Variants in POLQ observed in about 807,000 individuals in gnomAD.
POLQ encodes DNA polymerase theta.
A neutral mutation model predicts 259.2 loss-of-function variants in POLQ; 233 were observed. The ratio of observed to expected loss-of-function variants is 0.90; its 90% CI spans 0.81 to 1.00. The LOEUF is 1.00. Ranked by LOEUF, POLQ falls within the 50% of genes least tolerant of loss-of-function variation. The pLI, the probability that POLQ is intolerant of heterozygous loss-of-function variation, is 0.00. For synonymous variants in POLQ, 1,025 were observed against 1,048.8 expected, an observed-to-expected ratio of 0.98 and a Z score of 0.44; for missense variants, 2,871 against 3,051.6, an observed-to-expected ratio of 0.94 and a Z score of 1.39.
chr3:121,493,245 T>G (rs1185558536), intron 15 of POLQ, among the ~76,000 whole-genome samples: 2 of 151,276 alleles, frequency 1.3e-5, no homozygotes. Context: ...GAGGTCGCAG[T>G]GAGCCGAGAT....
At chr3:121,501,550 T>C (rs1364661823) in intron 12 of POLQ, among the ~76,000 whole-genome samples, 1 of 145,888 alleles carries the variant, frequency 6.9e-6, no homozygotes, top group Non-Finnish European at 1.5e-5. Context: ...TCCCAGCTAC[T>C]TGGGAGGCTG....
chr3:121,539,429 T>C lies in POLQ; in HGVS notation c.631+4A>G, dbSNP rs749292831. On this transcript the variant is annotated splice_donor_region_variant and intron_variant, in intron 4 of 29. Transcript: ENST00000264233. ...AGTATTTACTTATTTTCTAACTTTC[T>C]TACCTAACAGATCCATCTTATTTTC... 6.3e-7 allele frequency: 1 copy of C among 1,589,502 alleles called. No homozygotes were observed. The highest frequency in any genetic ancestry group is 1.9e-5 in the Admixed American group (1 of 53,004).
chr3:121,522,663 A>C (rs1377104164), intron 7 of POLQ, among the ~76,000 whole-genome samples: 1 of 152,146 alleles, frequency 6.6e-6, no homozygotes, highest in Non-Finnish European at 1.5e-5. Flanking sequence ...ACATTGTTAT[A>C]TAATTGGTGT....
intron 22 of POLQ, among the ~76,000 whole-genome samples, chr3:121,471,615 G>A (rs139152166): frequency 0.014 from 2,109 of 152,076 alleles, 48 homozygotes; most frequent in African/African-American, 0.048. Context: ...GGTGGTATGC[G>A]CCTGTAATCC....
In POLQ at chr3:121,509,707, G is replaced by A. The variant is rs779707548; in HGVS notation, c.1817-4C>T. On this transcript the variant is annotated splice_polypyrimidine_tract_variant and splice_region_variant and intron_variant, in intron 11 of 29. Coordinates refer to ENST00000264233, the MANE Select transcript of POLQ (RefSeq NM_199420.4). Reference sequence around the variant, plus strand: ...TGTGTTGGATGATACACCTTTCCTGGTTTAGGGTTAGGGTGAGGAAACAGA... The same window carrying A: ...TGTGTTGGATGATACACCTTTCCTGATTTAGGGTTAGGGTGAGGAAACAGA... 1.2e-6 allele frequency: 2 copies of A among 1,611,090 alleles called. No individual in the cohort carries two copies. The highest frequency in any genetic ancestry group is 2.2e-5 in the East Asian group (1 of 44,848).
chr3:121,489,781 T>C lies in POLQ; in HGVS notation c.3150A>G (p.Arg1050=), dbSNP rs34246901. The change falls in exon 16 of 30, where the codon CGA becomes CGG. Residue 1050 remains arginine, a synonymous_variant. Transcript: ENST00000264233. ...RSWKRRKHLK[R]SRDSSPLKDS... ...CTTTCAGGGGGCTGCTGTCCCTAGA[T>C]CGCTTTAGATGCTTTCTACGTTTCC... The C allele has an allele frequency of 5.8e-4, 934 of 1,612,876 alleles. 8 individuals are homozygous for C. The African/African-American group carries it at 0.011, about 19-fold the overall frequency.
intron 16 of POLQ, among the ~76,000 whole-genome samples, chr3:121,487,095 G>A: frequency 6.6e-6 from 1 of 151,662 alleles, no homozygotes. Flanking sequence ...TATATTACAT[G>A]CACCTCTTAT....
At chr3:121,439,096 T>C (rs933545123) in intron 27 of POLQ, among the ~76,000 whole-genome samples, 5 of 152,200 alleles carry the variant, frequency 3.3e-5, no homozygotes, top group African/African-American at 1.2e-4. Context: ...CAGAATACTT[T>C]CATGAATCCC....
chr3:121,449,631 C>A (rs918291436), intron 25 of POLQ, among the ~76,000 whole-genome samples: 1 of 152,064 alleles, frequency 6.6e-6, no homozygotes, highest in Non-Finnish European at 1.5e-5. Flanking sequence ...GAGAGAGAGA[C>A]AGAAGGGCAG....
At chr3:121,520,113 T>C in intron 8 of POLQ, 30 bp from the exon 9 acceptor site, 1 of 1,290,476 alleles carries the variant, frequency 7.7e-7, no homozygotes, top group Non-Finnish European at 1.1e-6. Flanking sequence ...ATATATTTAT[T>C]GATATATAAC....
At chr3:121,484,974 T>C in intron 17 of POLQ, 67 bp downstream of exon 17, 1 of 1,160,934 alleles carries the variant, frequency 8.6e-7, no homozygotes, top group Non-Finnish European at 1.2e-6. Flanking sequence ...TCTCAAAATA[T>C]AAGATCACTA....
At chr3:121,498,063 CA>C (rs796246577) in intron 13 of POLQ, among the ~76,000 whole-genome samples, 10 of 152,222 alleles carry the variant, frequency 6.6e-5, no homozygotes, top group African/African-American at 2.2e-4. Flanking sequence ...GTAATCCCAG[CA>C]CTTTGGGAGG....
rs927314417 is a variant in POLQ, at chr3:121,489,064, A to G, written c.3867T>C (p.Ser1289=). 1.2e-6 allele frequency: 2 copies of G among 1,613,404 alleles called. No homozygotes were observed. Among genetic ancestry groups the G allele is most frequent in the Non-Finnish European group, 1.7e-6 (2 of 1,179,422 alleles). ...AAGTACCTGTTTTTTCTTGTAGTCT[A>G]GAAATATTTAGAAAATTCTCATGCT... ...EGQHENFLNI[S]RLQEKTGTYT... is the part of the protein sequence containing the mutation. Residue 1289 remains serine (S), a synonymous_variant, in exon 16 of 30, where the codon TCT becomes TCC. Coordinates refer to ENST00000264233, the MANE Select transcript of POLQ (RefSeq NM_199420.4).
intron 12 of POLQ, among the ~76,000 whole-genome samples, chr3:121,504,506 A>G (rs1232063061): frequency 6.6e-6 from 1 of 152,238 alleles, no homozygotes; most frequent in Non-Finnish European, 1.5e-5. Flanking sequence ...TCTTCAAAAG[A>G]AACAGAAGAG....
intron 6 of POLQ, among the ~76,000 whole-genome samples, chr3:121,530,741 T>A (rs890810734): frequency 1.3e-5 from 2 of 152,180 alleles, no homozygotes; most frequent in African/African-American, 4.8e-5. Context: ...AAAACTGGAT[T>A]AATGCATCCA....
At chr3:121,527,836 C>A (rs1464496392) in intron 7 of POLQ, among the ~76,000 whole-genome samples, 1 of 152,108 alleles carries the variant, frequency 6.6e-6, no homozygotes, top group East Asian at 1.9e-4. Context: ...ATGAAAAGTA[C>A]ATAAGAAACA....
intron 6 of POLQ, among the ~76,000 whole-genome samples, chr3:121,530,300 G>C (rs1402837262): frequency 6.6e-6 from 1 of 152,044 alleles, no homozygotes; most frequent in African/African-American, 2.4e-5. Context: ...TTATAAAACA[G>C]GCTTTGTGCT....
In POLQ at chr3:121,487,689, T is replaced by G. The variant is rs563850834; in HGVS notation, c.5242A>C (p.Thr1748Pro). The G allele has an allele frequency of 1.7e-5, 28 of 1,613,948 alleles. 1 individual carries two copies. In the East Asian group the frequency reaches 4.9e-4, roughly 28 times the overall value. Residue 1748 changes from threonine (T) to proline (P), a missense_variant, in exon 16 of 30, where the codon ACA becomes CCA. Transcript: ENST00000264233. ...TPIPTSASKLTFPGILETPVN... is the reference protein window; with the variant it reads ...TPIPTSASKLPFPGILETPVN... ...GGTGTTTCAAGAATCCCTGGAAATG[T>G]CAGCTTAGAAGCAGATGTTGGAATG...
chr3:121,538,269 G>A (rs1369934626), intron 4 of POLQ, among the ~76,000 whole-genome samples: 1 of 151,894 alleles, frequency 6.6e-6, no homozygotes, highest in Non-Finnish European at 1.5e-5. Context: ...ACATAAATAT[G>A]ATCACAATGT....
Sources: gnomAD v4.1 joint callset for allele counts (sites outside exome capture counted in the v4.1 genomes callset) on GRCh38, gnomAD v4.1.1 for gene constraint, MANE v1.5 for transcripts, NCBI Gene and HGNC (gene_info 2026-07-23, HGNC 2026-07-21) for gene names.